ZNF469: variants seen among roughly 807,000 people sequenced by gnomAD.
ZNF469 encodes zinc finger protein 469.
ZNF469 carries 1 observed loss-of-function variant against 1.0 expected under a neutral mutation model. The observed-to-expected ratio is 1.00, with a 90% CI of 0.35 to 4.73. ZNF469 has a LOEUF of 4.73. ZNF469 is among the 30% of genes most tolerant of loss of function. The pLI, the probability that ZNF469 is intolerant of heterozygous loss-of-function variation, is 0.16. For missense variants in ZNF469, 6,100 were observed against 5,356.3 expected, an observed-to-expected ratio of 1.14 and a Z score of -4.33; for synonymous variants, 2,703 against 2,363.4, an observed-to-expected ratio of 1.14 and a Z score of -4.17.
chr16:88,395,744 G>A (rs1904641175), intron 1 of ZNF469, among the ~76,000 whole-genome samples: 1 of 152,230 alleles, frequency 6.6e-6, no homozygotes, highest in African/African-American at 2.4e-5. Flanking sequence ...AAGCTCTAGA[G>A]TCTGATCTTC....
At chr16:88,382,579 G>A (rs1253780128), upstream of ZNF469, among the ~76,000 whole-genome samples, 1 of 152,220 alleles carries the variant, frequency 6.6e-6, no homozygotes, top group Non-Finnish European at 1.5e-5. Flanking sequence ...CAGGTGCCAG[G>A]TGCCAGTCGG....
rs1355475154 is a variant in ZNF469, at chr16:88,429,651, G to A, written c.2181G>A (p.Leu727=). 5.8e-6 allele frequency: 9 copies of A among 1,542,908 alleles called. No homozygotes were observed. The East Asian group carries it at 2.2e-4, about 38-fold the overall frequency. ...TCAGCAGCGCCAGCCTGGACCAGCT[G>A]GACGTGCTGCTGACCTGCAGGCAGT... is the stretch of plus-strand genomic sequence containing the variant. ...FSLSSASLDQ[L]DVLLTCRQCD... is the part of the protein sequence containing the mutation. The change falls in exon 3 of 3, where the codon CTG becomes CTA. Residue 727 remains leucine (L), a synonymous_variant. Transcript: ENST00000565624.
At chr16:88,179,844 C>G in the ZNF469 span, among the ~76,000 whole-genome samples, 17 of 152,326 alleles carry the variant, frequency 1.1e-4, no homozygotes, top group African/African-American at 3.6e-4. Flanking sequence ...AGAAGCAAAT[C>G]TGTGGTAACA....
Position 88,427,577 on chromosome 16 carries a change from A to G in ZNF469, c.107A>G (p.Glu36Gly). Reference sequence around the variant, plus strand: ...GGGCACCCCTCCCAGCCGCCACTGGAGGACAACACCCCAGCTACCAGGACC... The same window carrying G: ...GGGCACCCCTCCCAGCCGCCACTGGGGGACAACACCCCAGCTACCAGGACC... Reference protein sequence around the residue: ...SPGHPSQPPLEDNTPATRTTK... With the variant: ...SPGHPSQPPLGDNTPATRTTK... Residue 36 changes from glutamate to glycine, a missense_variant, in exon 3 of 3, where the codon GAG (glutamate) becomes GGG (glycine). Transcript: ENST00000565624. 6.5e-7 allele frequency: 1 copy of G among 1,537,052 alleles called. No homozygotes were observed. Among genetic ancestry groups the G allele is most frequent in the Non-Finnish European group, 8.7e-7 (1 of 1,146,392 alleles).
At chr16:88,292,961 G>C in the ZNF469 span, among the ~76,000 whole-genome samples, 2 of 152,340 alleles carry the variant, frequency 1.3e-5, no homozygotes, top group East Asian at 3.8e-4. Context: ...CCCTTGGGGA[G>C]GCCCTGGGGT....
the ZNF469 span, among the ~76,000 whole-genome samples, chr16:88,262,996 G>A: frequency 6.6e-6 from 1 of 152,252 alleles, no homozygotes; most frequent in Non-Finnish European, 1.5e-5. The surrounding 1 kb of genome is among the most constrained non-coding windows in gnomAD (Gnocchi z 4.3). Context: ...GCTGGGGATC[G>A]TTCGCAGAAA....
chr16:88,372,259 ATCG>A, the ZNF469 span, among the ~76,000 whole-genome samples: 10 of 9,206 alleles, frequency 1.1e-3, no homozygotes, highest in South Asian at 6.0e-3. Flanking sequence ...CATCCCCATC[ATCG>A]TCACCATCAC....
chr16:88,333,246 G>A, the ZNF469 span, among the ~76,000 whole-genome samples: 1 of 152,162 alleles, frequency 6.6e-6, no homozygotes. Context: ...AAGCCGGTGG[G>A]TACGGCCAGG....
At chr16:88,182,784 C>T in the ZNF469 span, among the ~76,000 whole-genome samples, 11 of 150,678 alleles carry the variant, frequency 7.3e-5, no homozygotes, top group East Asian at 1.2e-3. Flanking sequence ...AATTTAAAAC[C>T]GTAAAACATC....
At chr16:88,107,301 C>A in the ZNF469 span, among the ~76,000 whole-genome samples, 1 of 152,190 alleles carries the variant, frequency 6.6e-6, no homozygotes, top group Non-Finnish European at 1.5e-5. Context: ...GCTGGGGAGG[C>A]CTCAGGAAAC....
At chr16:88,296,752 G>A in the ZNF469 span, among the ~76,000 whole-genome samples, 1 of 151,212 alleles carries the variant, frequency 6.6e-6, no homozygotes, top group African/African-American at 2.4e-5. Flanking sequence ...CACATACACA[G>A]GTGCACATAC....
chr16:88,222,408 C>T, the ZNF469 span, among the ~76,000 whole-genome samples: 62,219 of 152,014 alleles, frequency 0.41, 13,342 homozygotes, highest in Non-Finnish European at 0.49. Context: ...CTTGCCTCAG[C>T]CTCCCGAGTA....
chr16:88,126,695 C>G, the ZNF469 span, among the ~76,000 whole-genome samples: 2 of 151,354 alleles, frequency 1.3e-5, no homozygotes, highest in Admixed American at 6.6e-5. Flanking sequence ...GCTCTGTAAC[C>G]CAGGCTGGAG....
At chr16:88,108,650 G>C in the ZNF469 span, among the ~76,000 whole-genome samples, 3 of 152,236 alleles carry the variant, frequency 2.0e-5, no homozygotes, top group Non-Finnish European at 4.4e-5. Context: ...CCTGAAAGCA[G>C]GTGGTGGTGA....
the ZNF469 span, among the ~76,000 whole-genome samples, chr16:88,251,761 G>T: frequency 6.6e-6 from 1 of 151,418 alleles, no homozygotes; most frequent in Admixed American, 6.6e-5. Flanking sequence ...GTTTCACCTT[G>T]TTGGCCAGGC....
At chr16:88,126,356 T>C in the ZNF469 span, among the ~76,000 whole-genome samples, 8 of 151,612 alleles carry the variant, frequency 5.3e-5, no homozygotes, top group African/African-American at 1.9e-4. Context: ...AGAAGTGATG[T>C]GTGGAGACAT....
At chr16:88,341,603 A>T in the ZNF469 span, among the ~76,000 whole-genome samples, 1 of 152,202 alleles carries the variant, frequency 6.6e-6, no homozygotes, top group African/African-American at 2.4e-5. Flanking sequence ...CGCACGGCTC[A>T]CAGCTGGGAC....
At chr16:88,223,120 A>G in the ZNF469 span, among the ~76,000 whole-genome samples, 1 of 152,146 alleles carries the variant, frequency 6.6e-6, no homozygotes, top group Non-Finnish European at 1.5e-5. Flanking sequence ...TAGGGGAGTG[A>G]TATGGTTTGG....
In ZNF469 at chr16:88,430,787, C is replaced by G; in HGVS notation, c.3317C>G (p.Pro1106Arg). 6.6e-7 allele frequency: 1 copy of G among 1,526,062 alleles called. No individual in the cohort carries two copies. The highest frequency in any genetic ancestry group is 8.7e-7 in the Non-Finnish European group (1 of 1,143,248). 94.5% of individuals were successfully genotyped at this position (1,526,062 alleles called of 1,614,324 possible). A position where few individuals can be genotyped will look rare whatever the true frequency, so the allele number is the denominator to read the frequency against. The part of the protein sequence containing the change: ...SESEEDEQPP[P>R]RGPGFRGRRG... ...TCCGAGGAGGACGAGCAGCCTCCGC[C>G]GCGGGGCCCCGGCTTCAGAGGCCGG... The change falls in exon 3 of 3, where the codon CCG becomes CGG. Residue 1106 changes from proline to arginine, a missense_variant. Coordinates refer to ENST00000565624, the MANE Select transcript of ZNF469 (RefSeq NM_001367624.2).
Sources: gnomAD v4.1 joint callset for allele counts (sites outside exome capture counted in the v4.1 genomes callset) on GRCh38, gnomAD v4.1.1 for gene constraint, Gnocchi (gnomAD v3.1) non-coding constraint, MANE v1.5 for transcripts, NCBI Gene and HGNC (gene_info 2026-07-23, HGNC 2026-07-21) for gene names.